The following FREM2 variants were observed in gnomAD, a reference collection of about 807,000 sequenced individuals.
The protein encoded by FREM2 is FRAS1-related extracellular matrix protein 2.
In FREM2, 119 loss-of-function variants were observed where a neutral mutation model predicts 219.9. The observed-to-expected ratio is 0.54, with a 90% CI of 0.47 to 0.63. The LOEUF is 0.63. Among genes scored for constraint, FREM2 ranks in the 30% least tolerant of loss-of-function variants. FREM2 has a pLI of 0.00. For synonymous variants in FREM2, 1,562 were observed against 1,522.8 expected (o/e 1.03, Z -0.60); for missense variants, 4,030 against 3,993.6 (o/e 1.01, Z -0.25).
At chr13:38,707,475 C>T (rs1870588158) in intron 2 of FREM2, among the ~76,000 whole-genome samples, 1 of 152,086 alleles carries the variant, frequency 6.6e-6, no homozygotes, top group South Asian at 2.1e-4. Flanking sequence ...CACAATTGTC[C>T]TCTTTCTATT....
At chr13:38,746,399 T>A (rs1872486818) in intron 2 of FREM2, among the ~76,000 whole-genome samples, 1 of 152,126 alleles carries the variant, frequency 6.6e-6, no homozygotes, top group Admixed American at 6.6e-5. Flanking sequence ...GATTTTGCCA[T>A]AACACATAAA....
At chr13:38,714,930 C>A (rs1282223898) in intron 2 of FREM2, among the ~76,000 whole-genome samples, 2 of 147,824 alleles carry the variant, frequency 1.4e-5, no homozygotes. Context: ...ACTAAAAATA[C>A]AAAAAAAAAA....
chr13:38,722,137 C>T (rs899805698), intron 2 of FREM2, among the ~76,000 whole-genome samples: 9 of 151,976 alleles, frequency 5.9e-5, no homozygotes, highest in South Asian at 2.1e-4. Context: ...TTCCTGCCTC[C>T]GCCTCCCTAG....
rs189184009 is a variant in FREM2, at chr13:38,756,712, A to G, written c.5264-7592A>G. Among the ~76,000 whole-genome samples the G allele has an allele frequency of 7.3e-3, 1,104 of 151,514 alleles. 9 individuals are homozygous for G. The highest frequency in any genetic ancestry group is 0.041 in the Middle Eastern group (12 of 294). The stretch of plus-strand genomic sequence containing the variant: ...CTGGCTAATTTGTGTGTGTGTGTGT[A>G]TATTTTTAGTAGAGACAGGGTTTCA... On this transcript the variant is annotated intron_variant, in intron 2 of 23. Coordinates refer to ENST00000280481, the MANE Select transcript of FREM2 (RefSeq NM_207361.6).
At chr13:38,773,115 G>A (rs537555676) in intron 4 of FREM2, among the ~76,000 whole-genome samples, 1 of 152,204 alleles carries the variant, frequency 6.6e-6, no homozygotes, top group East Asian at 1.9e-4. Flanking sequence ...TTGTTATATA[G>A]GTGAAGATTT....
chr13:38,703,956 G>A (rs1229935375), intron 2 of FREM2, among the ~76,000 whole-genome samples: 1 of 152,074 alleles, frequency 6.6e-6, no homozygotes, highest in African/African-American at 2.4e-5. Flanking sequence ...ATATTTATTT[G>A]TGGCATATGT....
intron 2 of FREM2, among the ~76,000 whole-genome samples, chr13:38,760,146 T>C (rs1873171986): frequency 6.6e-6 from 1 of 152,238 alleles, no homozygotes; most frequent in South Asian, 2.1e-4. Flanking sequence ...AAGTATCTGT[T>C]TCATTTATAT....
At chr13:38,812,846 G>A (rs1875547711) in intron 6 of FREM2, among the ~76,000 whole-genome samples, 1 of 150,854 alleles carries the variant, frequency 6.6e-6, no homozygotes, top group Non-Finnish European at 1.5e-5. Flanking sequence ...TTGCACCACT[G>A]CACTCCAGTC....
Position 38,709,986 on chromosome 13 carries a change from TACACACACACACACACACACACACAC to T in FREM2, c.5263+12225_5263+12250del, listed in dbSNP as rs59108347. Reference sequence around the variant, plus strand: ...GGTGAAAAATTAGTCTAACTAAAAATACACACACACACACACACACACACACACACACACACACACACACACACACA... The same window carrying T: ...GGTGAAAAATTAGTCTAACTAAAAATACACACACACACACACACACACACA... On this transcript the variant is annotated intron_variant, in intron 2 of 23. Transcript: ENST00000280481. Among the ~76,000 whole-genome samples, 39 of 130,416 alleles carry T rather than the reference TACACACACACACACACACACACACAC, an allele frequency of 3.0e-4. 1 individual carries two copies. The highest frequency in any genetic ancestry group is 1.0e-3 in the African/African-American group (36 of 35,332). The allele number at this position is 130,416 out of a possible 152,430, so 85.6% of individuals were successfully genotyped here.
intron 2 of FREM2, among the ~76,000 whole-genome samples, chr13:38,706,350 C>CGA (rs369957299): frequency 1.1e-3 from 163 of 152,246 alleles, no homozygotes; most frequent in African/African-American, 3.7e-3. Flanking sequence ...CCTAAATATG[C>CGA]TTTGTTATAT....
Position 38,688,331 on chromosome 13 carries a change from G to A in FREM2, c.987G>A (p.Glu329=). 6.2e-7 allele frequency: 1 copy of A among 1,614,194 alleles called. No individual in the cohort carries two copies. The highest frequency in any genetic ancestry group is 8.5e-7 in the Non-Finnish European group (1 of 1,180,036). The change falls in exon 1 of 24, where the codon GAG becomes GAA. Residue 329 remains glutamate (E), a synonymous_variant. Coordinates refer to ENST00000280481, the MANE Select transcript of FREM2 (RefSeq NM_207361.6). ...GTTTCGTGGCCATGATGATGATGGAGGTGGACCAGTTTGTACTGACGGCCC... is the reference window on the plus strand; with the variant it reads ...GTTTCGTGGCCATGATGATGATGGAAGTGGACCAGTTTGTACTGACGGCCC... The part of the protein sequence containing the change: ...KPSFVAMMMM[E]VDQFVLTALT...
In FREM2 at chr13:38,846,738, C is replaced by G. The variant is rs761046891; in HGVS notation, c.6169+16C>G. 2.4e-5 allele frequency: 38 copies of G among 1,613,332 alleles called. No individual in the cohort carries two copies. Among genetic ancestry groups the G allele is most frequent in the Non-Finnish European group, 3.1e-5 (36 of 1,179,382 alleles). Reference sequence around the variant, plus strand: ...TCTGCAGATGGTGAGCAGTTTCCCACTCGGCTCTTTTGATTGTTCTGCAAT... The same window carrying G: ...TCTGCAGATGGTGAGCAGTTTCCCAGTCGGCTCTTTTGATTGTTCTGCAAT... On this transcript the variant is annotated intron_variant, in intron 7 of 23. Transcript: ENST00000280481.
At chr13:38,778,694 A>G (rs993824378) in intron 4 of FREM2, among the ~76,000 whole-genome samples, 2 of 152,136 alleles carry the variant, frequency 1.3e-5, no homozygotes, top group Non-Finnish European at 2.9e-5. Flanking sequence ...ACCAATGAGT[A>G]CTAGGCTTAA....
Position 38,690,133 on chromosome 13 carries a change from G to C in FREM2, c.2789G>C (p.Arg930Thr). ...CATCATGTGGTGCCCATCACTCTCA[G>C]AGTAAATGTCCGGCCAGTGGATGAT... ...DRHHVVPITL[R>T]VNVRPVDDEV... Residue 930 changes from arginine to threonine, a missense_variant, in exon 1 of 24, where the codon AGA becomes ACA. By Grantham distance (71) the Arg-to-Thr change is moderately conservative (BLOSUM62 -1). Transcript: ENST00000280481. 1 of 1,614,200 alleles carries C rather than the reference G, an allele frequency of 6.2e-7. No individual in the cohort carries two copies. The highest frequency in any genetic ancestry group is 1.3e-5 in the African/African-American group (1 of 75,058).
At chr13:38,866,583 G>A (rs1013422926) in intron 16 of FREM2, among the ~76,000 whole-genome samples, 8 of 150,606 alleles carry the variant, frequency 5.3e-5, no homozygotes, top group East Asian at 2.0e-4. Context: ...CAGGAGAATC[G>A]CTTGAACTGG....
intron 6 of FREM2, among the ~76,000 whole-genome samples, chr13:38,806,989 G>A (rs898474327): frequency 1.3e-5 from 2 of 150,782 alleles, no homozygotes; most frequent in African/African-American, 4.8e-5. Context: ...ATCCACTCAG[G>A]TTTTATGATA....
At chr13:38,707,295 G>C (rs923145686) in intron 2 of FREM2, among the ~76,000 whole-genome samples, 3 of 152,018 alleles carry the variant, frequency 2.0e-5, no homozygotes, top group African/African-American at 7.2e-5. Flanking sequence ...TCATTTTTTT[G>C]CAGAGTATTA....
intron 2 of FREM2, among the ~76,000 whole-genome samples, chr13:38,736,246 C>T (rs1486512857): frequency 6.6e-6 from 1 of 152,148 alleles, no homozygotes; most frequent in Non-Finnish European, 1.5e-5. Context: ...GTGGTTCTAA[C>T]TGGCATGTGT....
At chr13:38,844,826 G>C (rs1164836630) in intron 6 of FREM2, among the ~76,000 whole-genome samples, 1 of 152,204 alleles carries the variant, frequency 6.6e-6, no homozygotes, top group East Asian at 1.9e-4. Flanking sequence ...CCTTTTAAAA[G>C]ACTTACAGAT....
Sources: gnomAD v4.1 joint callset for allele counts (sites outside exome capture counted in the v4.1 genomes callset) on GRCh38, gnomAD v4.1.1 for gene constraint, MANE v1.5 for transcripts, NCBI Gene and HGNC (gene_info 2026-07-23, HGNC 2026-07-21) for gene names.